The following OBSL1 variants were observed in gnomAD, a reference collection of about 807,000 sequenced individuals.
OBSL1 encodes the protein obscurin like cytoskeletal adaptor 1, also known as obscurin-like protein 1.
OBSL1 carries 160 observed loss-of-function variants against 172.0 expected under a neutral mutation model. That is an observed-to-expected ratio of 0.93 (90% CI 0.82 to 1.06). The LOEUF is 1.06. Among genes scored for constraint, OBSL1 ranks in the 50% least tolerant of loss-of-function variants. OBSL1 has a pLI of 0.00. For synonymous variants in OBSL1, 1,200 were observed against 1,196.3 expected (o/e 1.00, Z -0.06); for missense variants, 2,681 against 2,715.4 (o/e 0.99, Z 0.28).
At position 219,571,262 on chromosome 2, in the gene OBSL1, C is replaced by A. The variant is rs1230596381; in HGVS notation, c.-30G>T. On this transcript the variant is annotated 5_prime_UTR_variant, in exon 1 of 21. Coordinates refer to ENST00000404537, the MANE Select transcript of OBSL1 (RefSeq NM_015311.3). ...GCGGCCGACCGCCTGCAGCGGCGAA[C>A]GGTGGGGGGGCAGGGGGGGGTGCGG... 9 of 859,022 alleles carry A rather than the reference C, an allele frequency of 1.0e-5. No homozygotes were observed. In the East Asian group the frequency reaches 3.2e-4, roughly 30 times the overall value. 53.2% of individuals were successfully genotyped at this position (859,022 alleles called of 1,614,324 possible). A position where few individuals can be genotyped will look rare whatever the true frequency, so the allele number is the denominator to read the frequency against.
chr2:219,549,761 G>T (rs774659658), downstream of OBSL1: 124 of 1,613,990 alleles, frequency 7.7e-5, no homozygotes, highest in Non-Finnish European at 1.0e-4. Context: ...GGAGCTCCCT[G>T]AGCTCCTTCA....
chr2:219,570,929 G>C lies in OBSL1; in HGVS notation c.304C>G (p.Leu102Val). The change falls in exon 1 of 21, where the codon CTG becomes GTG. Residue 102 changes from leucine (L) to valine (V), a missense_variant. Coordinates refer to ENST00000404537, the MANE Select transcript of OBSL1 (RefSeq NM_015311.3). ...EAYAAAAVTV[L>V]EPPASDPELQ... ...TCGGGGTCGGAGGCCGGCGGCTCCA[G>C]CACGGTGACGGCGGCCGCCGCGTAG... is the stretch of plus-strand genomic sequence containing the variant. 1 of 1,286,788 alleles carries C rather than the reference G, an allele frequency of 7.8e-7. No homozygotes were observed. The highest frequency in any genetic ancestry group is 2.8e-5 in the South Asian group (1 of 36,056). The allele number at this position is 1,286,788 out of a possible 1,614,324, so 79.7% of individuals were successfully genotyped here. A position where few individuals can be genotyped will look rare whatever the true frequency, so the allele number is the denominator to read the frequency against.
rs1186680800 is a variant in OBSL1, at chr2:219,557,820, C to T, written c.3790+3G>A. The T allele has an allele frequency of 6.3e-7, 1 of 1,596,014 alleles. No individual in the cohort carries two copies. The highest frequency in any genetic ancestry group is 8.5e-7 in the Non-Finnish European group (1 of 1,178,666). On this transcript the variant is annotated splice_donor_region_variant and intron_variant, in intron 11 of 20. Coordinates refer to ENST00000404537, the MANE Select transcript of OBSL1 (RefSeq NM_015311.3). ...TCAGGCTTAATGCCCAGGCTGTACT[C>T]ACCAGCCACCTGGACGGTGAAGCTG...
Position 219,558,369 on chromosome 2 carries a change from G to A in OBSL1, c.3317C>T (p.Ala1106Val), listed in dbSNP as rs1319794984. Residue 1106 changes from alanine to valine, a missense_variant, in exon 10 of 21, where the codon GCC becomes GTC. This residue lies in a region of OBSL1 where 1,765 missense variants were observed against 1,748.3 expected (regional missense o/e 1.01). Coordinates refer to ENST00000404537, the MANE Select transcript of OBSL1 (RefSeq NM_015311.3). ...CCAGCGCACCTGAGACCCAGCTGGGGCCACCTCACAGCGCAGCTCCACGCG... is the reference window on the plus strand; with the variant it reads ...CCAGCGCACCTGAGACCCAGCTGGGACCACCTCACAGCGCAGCTCCACGCG... The part of the protein sequence containing the change: ...PGRVELRCEV[A>V]PAGSQVRWYK... 1.9e-6 allele frequency: 3 copies of A among 1,611,380 alleles called. No individual in the cohort carries two copies. Among genetic ancestry groups the A allele is most frequent in the African/African-American group, 1.3e-5 (1 of 74,906 alleles).
chr2:219,557,884 G>C lies in OBSL1; in HGVS notation c.3729C>G (p.Tyr1243Ter). 2.5e-6 allele frequency: 4 copies of C among 1,601,340 alleles called. No individual in the cohort carries two copies. The highest frequency in any genetic ancestry group is 3.4e-6 in the Non-Finnish European group (4 of 1,179,698). Reference sequence around the variant, plus strand: ...CGGGGGCTGCTCCAGACTGGCAGGTGTAGAGCCCTGCATGGGCTGGGCCTG... The same window carrying C: ...CGGGGGCTGCTCCAGACTGGCAGGTCTAGAGCCCTGCATGGGCTGGGCCTG... ...QAAGPAHAGL[Y>*]TCQSGAAPGA... is the part of the protein sequence containing the mutation. Residue 1243 changes from tyrosine (Y) to a stop codon, truncating the protein, a stop_gained, in exon 11 of 21, where the codon TAC becomes TAG. Coordinates refer to ENST00000404537, the MANE Select transcript of OBSL1 (RefSeq NM_015311.3). LOFTEE classifies it high-confidence loss of function.
In OBSL1 at chr2:219,568,350, G is replaced by C; in HGVS notation, c.1013-26C>G. 1.3e-6 allele frequency: 2 copies of C among 1,581,866 alleles called. No individual in the cohort carries two copies. Among genetic ancestry groups the C allele is most frequent in the South Asian group, 2.3e-5 (2 of 87,834 alleles). ...CTGTGGAGAGGGGAGAGAGAGACAA[G>C]AGAGGGCTCTGGAGAAGGCCCAGAC... is the stretch of plus-strand genomic sequence containing the variant. On this transcript the variant is annotated intron_variant, in intron 1 of 20. Transcript: ENST00000404537. The surrounding 1 kb of genome is among the most constrained non-coding windows in gnomAD (Gnocchi z 4.1).
downstream of OBSL1, among the ~76,000 whole-genome samples, chr2:219,548,703 G>T (rs1013833739): frequency 6.6e-6 from 1 of 152,206 alleles, no homozygotes; most frequent in South Asian, 2.1e-4. Context: ...CATTTTATTA[G>T]AAGGGCAATA....
At position 219,570,266 on chromosome 2, in the gene OBSL1, T is replaced by C. The variant is rs752452583; in HGVS notation, c.967A>G (p.Asn323Asp). 1 of 1,597,498 alleles carries C rather than the reference T, an allele frequency of 6.3e-7. No individual in the cohort carries two copies. Among genetic ancestry groups the C allele is most frequent in the South Asian group, 1.1e-5 (1 of 89,650 alleles). ...DRGLYVCAAR[N>D]SAGQTLSAVQ... Reference sequence around the variant, plus strand: ...GCACTGAGCGTCTGGCCCGCCGAGTTGCGCGCGGCGCAGACGTAGAGCCCA... The same window carrying C: ...GCACTGAGCGTCTGGCCCGCCGAGTCGCGCGCGGCGCAGACGTAGAGCCCA... The change falls in exon 1 of 21, where the codon AAC becomes GAC. Residue 323 changes from asparagine (N) to aspartate (D), a missense_variant. Around this residue, in one of 5 missense-constraint regions of OBSL1, gnomAD observed 706 missense variants for 695.8 expected, o/e 1.01. Coordinates refer to ENST00000404537, the MANE Select transcript of OBSL1 (RefSeq NM_015311.3).
In OBSL1 at chr2:219,555,559, C is replaced by T. The variant is rs867637252; in HGVS notation, c.4609+461G>A. The T allele has an allele frequency of 1.0e-5, 9 of 879,034 alleles. No homozygotes were observed. In the South Asian group the frequency reaches 2.0e-4, roughly 20 times the overall value. The allele number at this position is 879,034 out of a possible 1,614,324, so 54.5% of individuals were successfully genotyped here. ...CCTCCCAAAGTGTTAGGATTATAGG[C>T]GTGAGCCACTGCACCTGGTCTCAGC... On this transcript the variant is annotated intron_variant, in intron 14 of 20. Transcript: ENST00000404537.
intron 18 of OBSL1, 32 bp from the exon 19 acceptor site, chr2:219,552,248 A>T (rs1695671982): frequency 6.5e-7 from 1 of 1,550,010 alleles, no homozygotes; most frequent in Non-Finnish European, 8.7e-7. Context: ...GCGAGGCCGG[A>T]GCCACCTCTG....
chr2:219,558,495 G>T (rs1036774925), intron 9 of OBSL1, 36 bp from the exon 10 acceptor site: 5 of 1,510,356 alleles, frequency 3.3e-6, no homozygotes, highest in Non-Finnish European at 3.5e-6. Context: ...ACATAGGCTT[G>T]GCCAGCAGGC....
Position 219,559,363 on chromosome 2 carries a change from C to T in OBSL1, c.3088G>A (p.Glu1030Lys). The change falls in exon 9 of 21, where the codon GAG becomes AAG. Residue 1030 changes from glutamate to lysine, a missense_variant. By Grantham distance (56) the Glu-to-Lys change is moderately conservative. This residue lies in a region of OBSL1 where 1,765 missense variants were observed against 1,748.3 expected (regional missense o/e 1.01). Coordinates refer to ENST00000404537, the MANE Select transcript of OBSL1 (RefSeq NM_015311.3). Reference sequence around the variant, plus strand: ...TCCAGCACCAGGGCCTCGCTCTCCTCCACTTCCAGCCCATCCTTGTACCAG... The same window carrying T: ...TCCAGCACCAGGGCCTCGCTCTCCTTCACTTCCAGCCCATCCTTGTACCAG... ...VRWYKDGLEV[E>K]ESEALVLERD... is the part of the protein sequence containing the mutation. The T allele has an allele frequency of 6.2e-7, 1 of 1,614,024 alleles. No individual in the cohort carries two copies. Among genetic ancestry groups the T allele is most frequent in the Non-Finnish European group, 8.5e-7 (1 of 1,179,896 alleles).
rs765102181 is a variant in OBSL1, at chr2:219,559,450, C to T, written c.3001G>A (p.Ala1001Thr). The change falls in exon 9 of 21, where the codon GCC (alanine) becomes ACC (threonine). Residue 1001 changes from alanine to threonine, a missense_variant. Coordinates refer to ENST00000404537, the MANE Select transcript of OBSL1 (RefSeq NM_015311.3). ...AGCACCACACACTCCAAGGTCACGG[C>T]GATCAAGGTCACCTCATCGCGAGGG... is the stretch of plus-strand genomic sequence containing the variant. ...IYPRDEVTLIAVTLECVVLMC... is the reference protein window; with the variant it reads ...IYPRDEVTLITVTLECVVLMC... 6 of 1,613,456 alleles carry T rather than the reference C, an allele frequency of 3.7e-6. No homozygotes were observed. The highest frequency in any genetic ancestry group is 4.5e-5 in the East Asian group (2 of 44,900).
chr2:219,557,846 A>C lies in OBSL1; in HGVS notation c.3767T>G (p.Leu1256Arg). The C allele has an allele frequency of 6.3e-7, 1 of 1,599,340 alleles. No homozygotes were observed. Residue 1256 changes from leucine (L) to arginine (R), a missense_variant, in exon 11 of 21, where the codon CTC becomes CGC. Coordinates refer to ENST00000404537, the MANE Select transcript of OBSL1 (RefSeq NM_015311.3). Reference protein sequence around the residue: ...QSGAAPGAPSLSFTVQVAEPP... With the variant: ...QSGAAPGAPSRSFTVQVAEPP... ...ACCAGCCACCTGGACGGTGAAGCTG[A>C]GGCTTGGGGCTCCGGGGGCTGCTCC...
downstream of OBSL1, chr2:219,550,565 A>C (rs1559129889): frequency 1.9e-6 from 1 of 517,490 alleles, no homozygotes; most frequent in East Asian, 3.1e-5. Flanking sequence ...TCTTTTATAA[A>C]TGTGCCAAAC....
intron 17 of OBSL1, 46 bp downstream of exon 17, chr2:219,552,822 C>T: frequency 2.0e-6 from 3 of 1,536,528 alleles, no homozygotes; most frequent in Non-Finnish European, 2.6e-6. Flanking sequence ...CTCCGCAAGT[C>T]TCGCGCCCAA....
chr2:219,562,355 G>A (rs888324841), intron 8 of OBSL1, 47 bp downstream of exon 8: 25 of 1,594,646 alleles, frequency 1.6e-5, no homozygotes, highest in African/African-American at 8.0e-5. Flanking sequence ...CTCCTCCAGG[G>A]CTCAGGGCTG....
At chr2:219,569,814 C>A (rs1003817314) in intron 1 of OBSL1, among the ~76,000 whole-genome samples, 3 of 152,226 alleles carry the variant, frequency 2.0e-5, no homozygotes, top group Non-Finnish European at 4.4e-5. Context: ...TACGTAGACT[C>A]AGCAATTTAC....
Position 219,565,399 on chromosome 2 carries a change from G to A in OBSL1, c.2250C>T (p.Tyr750=). 1 of 1,614,004 alleles carries A rather than the reference G, an allele frequency of 6.2e-7. No homozygotes were observed. Among genetic ancestry groups the A allele is most frequent in the East Asian group, 2.2e-5 (1 of 44,874 alleles). ...LSRVDFPATW[Y]KDGQKVEESE... is the part of the protein sequence containing the mutation. ...TCTCCTCCACCTTCTGCCCATCCTT[G>A]TACCAGGTTGCCGGGAAGTCCACCC... is the stretch of plus-strand genomic sequence containing the variant. Residue 750 remains tyrosine, a synonymous_variant, in exon 6 of 21, where the codon TAC becomes TAT. Transcript: ENST00000404537.
Sources: allele counts gnomAD v4.1 joint callset (sites outside exome capture counted in the v4.1 genomes callset), GRCh38; gene constraint gnomAD v4.1.1; regional missense constraint gnomAD v4.1.1; non-coding constraint Gnocchi (gnomAD v3.1); transcripts MANE v1.5; gene names NCBI Gene and HGNC (gene_info 2026-07-23, HGNC 2026-07-21).